The following CTNNA3 variants were observed in gnomAD, a reference collection of about 807,000 sequenced individuals.
The protein encoded by CTNNA3 is catenin alpha 3.
CTNNA3 carries 76 observed loss-of-function variants against 95.7 expected under a neutral mutation model. That is an observed-to-expected ratio of 0.79 (90% confidence interval 0.66 to 0.96). The LOEUF is 0.96. Among genes scored for constraint, CTNNA3 ranks in the 40% least tolerant of loss-of-function variants. The pLI is 0.00. For missense variants in CTNNA3, 1,191 were observed against 1,089.8 expected, an observed-to-expected ratio of 1.09 and a Z score of -1.31; for synonymous variants, 431 against 374.4, an observed-to-expected ratio of 1.15 and a Z score of -1.74.
At chr10:66,841,935 T>A (rs1843080148) in intron 7 of CTNNA3, among the ~76,000 whole-genome samples, 1 of 152,004 alleles carries the variant, frequency 6.6e-6, no homozygotes, top group Admixed American at 6.6e-5. Flanking sequence ...ATTTCCCATG[T>A]GCTACTTTTT....
In CTNNA3 at chr10:67,686,382, T is replaced by C. The variant is rs186371864; in HGVS notation, c.-6+9618A>G. On this transcript the variant is annotated intron_variant, in intron 1 of 17. Coordinates refer to ENST00000433211, the MANE Select transcript of CTNNA3 (RefSeq NM_013266.4). ...GGTCAGGATTAGCTAAGGGGACTTC[T>C]AAGAGATCATCTTGGGTGGCATAAG... is the stretch of plus-strand genomic sequence containing the variant. Among the ~76,000 whole-genome samples the C allele has an allele frequency of 2.5e-3, 383 of 152,326 alleles. 2 individuals are homozygous for C. Among genetic ancestry groups the C allele is most frequent in the African/African-American group, 8.8e-3 (364 of 41,574 alleles).
intron 15 of CTNNA3, among the ~76,000 whole-genome samples, chr10:66,067,595 A>C (rs1295722955): frequency 6.6e-6 from 1 of 152,118 alleles, no homozygotes; most frequent in African/African-American, 2.4e-5. Context: ...TTTTTCAGTA[A>C]ACTTTCAGAG....
At chr10:67,406,090 C>A (rs1335415412) in intron 5 of CTNNA3, among the ~76,000 whole-genome samples, 1 of 152,118 alleles carries the variant, frequency 6.6e-6, no homozygotes, top group African/African-American at 2.4e-5. Flanking sequence ...TTATAAGAAT[C>A]TGACATTTCC....
intron 5 of CTNNA3, among the ~76,000 whole-genome samples, chr10:67,356,276 T>A (rs1223389284): frequency 6.6e-6 from 1 of 152,054 alleles, no homozygotes; most frequent in African/African-American, 2.4e-5. Context: ...GGCTATTTTC[T>A]CTCTCATATT....
At chr10:67,112,990 C>T (rs541331007) in intron 7 of CTNNA3, among the ~76,000 whole-genome samples, 1 of 152,108 alleles carries the variant, frequency 6.6e-6, no homozygotes, top group Non-Finnish European at 1.5e-5. Flanking sequence ...GTAACACAAC[C>T]TGTCTTCTCT....
intron 6 of CTNNA3, among the ~76,000 whole-genome samples, chr10:67,211,000 G>A (rs2132240468): frequency 6.6e-6 from 1 of 152,288 alleles, no homozygotes; most frequent in Admixed American, 6.5e-5. Flanking sequence ...ATGTGAGTGA[G>A]GATCTAAAGG....
chr10:66,313,209 T>C (rs1275541406), intron 12 of CTNNA3, among the ~76,000 whole-genome samples: 1 of 152,134 alleles, frequency 6.6e-6, no homozygotes, highest in Non-Finnish European at 1.5e-5. Context: ...ATGATGTGGG[T>C]ATTATTATCT....
intron 9 of CTNNA3, among the ~76,000 whole-genome samples, chr10:66,669,270 G>A (rs969937213): frequency 9.9e-5 from 15 of 152,180 alleles, no homozygotes; most frequent in Admixed American, 4.6e-4. Context: ...TTGCCCGAGC[G>A]TGGTGGCTCA....
chr10:67,683,876 T>C (rs1840676029), intron 1 of CTNNA3, among the ~76,000 whole-genome samples: 1 of 150,898 alleles, frequency 6.6e-6, no homozygotes, highest in Non-Finnish European at 1.5e-5. Context: ...ATATCCGGAG[T>C]GGTTTGTTCC....
chr10:66,365,302 G>GC (rs1370408346), intron 12 of CTNNA3, among the ~76,000 whole-genome samples: 2 of 152,066 alleles, frequency 1.3e-5, no homozygotes, highest in Non-Finnish European at 2.9e-5. Context: ...ACCAAACACT[G>GC]CATGTTCTCA....
At position 66,212,281 on chromosome 10, in the gene CTNNA3, C is replaced by A. The variant is rs116760036; in HGVS notation, c.1884+68189G>T. On this transcript the variant is annotated intron_variant, in intron 13 of 17. Transcript: ENST00000433211. The stretch of plus-strand genomic sequence containing the variant: ...CTGGGTTTACAGGCTTGAGCCAATG[C>A]GCCCAGCCAGCAACTATTGTTTCTT... Among the ~76,000 whole-genome samples, 568 of 152,112 alleles carry A rather than the reference C, an allele frequency of 3.7e-3. 7 individuals carry two copies. Among genetic ancestry groups the A allele is most frequent in the African/African-American group, 0.013 (525 of 41,518 alleles).
rs568554590 is a variant in CTNNA3, at chr10:65,912,788, A to G, written c.*7542T>C. Reference sequence around the variant, plus strand: ...GGGCTTCTATGTCAATGTCATAGGAAAGAGCTTTTTCTATTTCTGGATAAA... The same window carrying G: ...GGGCTTCTATGTCAATGTCATAGGAGAGAGCTTTTTCTATTTCTGGATAAA... On this transcript the variant is annotated 3_prime_UTR_variant, in exon 18 of 18. Transcript: ENST00000433211. 2 of 152,306 alleles carry G rather than the reference A, an allele frequency of 1.3e-5. No individual in the cohort carries two copies. The highest frequency in any genetic ancestry group is 4.1e-4 in the South Asian group (2 of 4,828). The allele number at this position is 152,306 out of a possible 1,614,324, so 9.4% of individuals were successfully genotyped here. A position where few individuals can be genotyped will look rare whatever the true frequency, so the allele number is the denominator to read the frequency against.
chr10:67,284,930 A>T (rs1301659070), intron 5 of CTNNA3, among the ~76,000 whole-genome samples: 1 of 152,202 alleles, frequency 6.6e-6, no homozygotes, highest in Non-Finnish European at 1.5e-5. Flanking sequence ...GACTTCAGTC[A>T]TCCCCTCACC....
intron 5 of CTNNA3, among the ~76,000 whole-genome samples, chr10:67,290,969 T>C (rs1372055695): frequency 1.3e-5 from 2 of 152,156 alleles, no homozygotes; most frequent in Non-Finnish European, 2.9e-5. Flanking sequence ...TTTGCTTATT[T>C]GTTCACCCTT....
At chr10:66,523,480 C>T (rs75178332) in intron 10 of CTNNA3, among the ~76,000 whole-genome samples, 1,564 of 152,202 alleles carry the variant, frequency 0.01, 30 homozygotes, top group African/African-American at 0.036. Context: ...CTCTTTAGGG[C>T]AGAAAAATGT....
intron 13 of CTNNA3, among the ~76,000 whole-genome samples, chr10:66,106,356 TGTGTG>T (rs2081911909): frequency 6.6e-6 from 1 of 151,204 alleles, no homozygotes; most frequent in Non-Finnish European, 1.5e-5. Flanking sequence ...TGTGTGTGTG[TGTGTG>T]TGTGTGTGTG....
At chr10:66,789,461 C>A (rs1161090908) in intron 7 of CTNNA3, among the ~76,000 whole-genome samples, 1 of 152,156 alleles carries the variant, frequency 6.6e-6, no homozygotes, top group Non-Finnish European at 1.5e-5. Context: ...AGGTGTGAGC[C>A]ACTGTGCGCG....
chr10:65,937,413 TACTC>T (rs1589148262), intron 17 of CTNNA3, among the ~76,000 whole-genome samples: 2 of 152,326 alleles, frequency 1.3e-5, no homozygotes, highest in Non-Finnish European at 2.9e-5. Context: ...CAATACAACT[TACTC>T]ACCGTTTCTT....
intron 11 of CTNNA3, among the ~76,000 whole-genome samples, chr10:66,404,776 C>T (rs2441754): frequency 0.21 from 29,485 of 140,376 alleles, 3,586 homozygotes; most frequent in African/African-American, 0.39. Flanking sequence ...GAGGTTTTTC[C>T]TGTGGGTTTT....
Sources: allele counts gnomAD v4.1 joint callset (sites outside exome capture counted in the v4.1 genomes callset), GRCh38; gene constraint gnomAD v4.1.1; transcripts MANE v1.5; gene names NCBI Gene and HGNC (gene_info 2026-07-23, HGNC 2026-07-21).